The following SLC13A2 variants were observed in gnomAD, a reference collection of about 807,000 sequenced individuals.
SLC13A2 encodes the protein Na(+)-coupled citrate transporter.
SLC13A2 carries 40 observed loss-of-function variants against 58.5 expected under a neutral mutation model. The observed-to-expected ratio is 0.68, with a 90% confidence interval of 0.53 to 0.89. SLC13A2 has a LOEUF of 0.89. Among genes scored for constraint, SLC13A2 ranks in the 40% least tolerant of loss-of-function variants. The pLI is 0.00. For synonymous variants in SLC13A2, 341 were observed against 331.6 expected, an observed-to-expected ratio of 1.03 and a Z score of -0.31; for missense variants, 694 against 772.6, an observed-to-expected ratio of 0.90 and a Z score of 1.21.
Position 28,496,733 on chromosome 17 carries a change from G to A in SLC13A2, c.1608+146G>A. ...GAATGAAGGTGCAGTTGGGGAGGTT[G>A]GGACATGACCTCTCAGTGGTGGCAT... On this transcript the variant is annotated intron_variant, in intron 11 of 11. Transcript: ENST00000314669. This position sits in a 1 kb window ranked among gnomAD's most constrained non-coding sequence, Gnocchi z 4.2. The A allele has an allele frequency of 8.6e-7, 1 of 1,162,342 alleles. No individual in the cohort carries two copies. The highest frequency in any genetic ancestry group is 2.6e-5 in the East Asian group (1 of 38,836). 72.0% of individuals were successfully genotyped at this position (1,162,342 alleles called of 1,614,324 possible). A position where few individuals can be genotyped will look rare whatever the true frequency, so the allele number is the denominator to read the frequency against.
At chr17:28,483,406 T>C (rs1468250740) in intron 1 of SLC13A2, among the ~76,000 whole-genome samples, 1 of 152,066 alleles carries the variant, frequency 6.6e-6, no homozygotes, top group Non-Finnish European at 1.5e-5. Context: ...GGAGAGAGGA[T>C]TGCTTGAGCC....
At chr17:28,487,730 G>A (rs1382887675) in intron 1 of SLC13A2, among the ~76,000 whole-genome samples, 5 of 152,190 alleles carry the variant, frequency 3.3e-5, no homozygotes, top group Admixed American at 2.6e-4. Flanking sequence ...GGGGGAGGAG[G>A]GGGCTGGGTT....
intron 1 of SLC13A2, 66 bp downstream of exon 1, chr17:28,473,880 G>A: frequency 7.1e-7 from 1 of 1,402,960 alleles, no homozygotes. Context: ...CTGGGCCGGG[G>A]TTGGGCATCC....
Position 28,473,832 on chromosome 17 carries a change from T to C in SLC13A2, c.102+18T>C, listed in dbSNP as rs891328245. On this transcript the variant is annotated intron_variant, in intron 1 of 11. Transcript: ENST00000314669. ...CCAGTAAGGTAAGGACTTGGTGTTC[T>C]GAGCACAGATAACTCCAGGGGGCAG... is the stretch of plus-strand genomic sequence containing the variant. 9.3e-6 allele frequency: 15 copies of C among 1,607,612 alleles called. No individual in the cohort carries two copies. The highest frequency in any genetic ancestry group is 1.3e-5 in the African/African-American group (1 of 74,776).
rs782643331 is a variant in SLC13A2, at chr17:28,493,787, G to A, written c.1095G>A (p.Glu365=). Residue 365 remains glutamate (E), a splice_region_variant and synonymous_variant, in exon 7 of 12, where the codon GAG becomes GAA. Transcript: ENST00000314669. ...TGGCTTTTCCCAATGCCAAGGGGGA[G>A]AGGTGAGAGTTGCAGGGGTTGGGAG... ...GNLAFPNAKG[E]SMVSDGTVAI... is the part of the protein sequence containing the mutation. The A allele has an allele frequency of 6.2e-7, 1 of 1,614,146 alleles. No homozygotes were observed. Among genetic ancestry groups the A allele is most frequent in the East Asian group, 2.2e-5 (1 of 44,876 alleles).
intron 1 of SLC13A2, among the ~76,000 whole-genome samples, chr17:28,488,445 A>G (rs2068930723): frequency 6.6e-6 from 1 of 152,110 alleles, no homozygotes; most frequent in Admixed American, 6.5e-5. Flanking sequence ...CTGGCTAATG[A>G]TTCCCCAGCC....
At chr17:28,488,229 G>A (rs2068923432) in intron 1 of SLC13A2, among the ~76,000 whole-genome samples, 1 of 152,216 alleles carries the variant, frequency 6.6e-6, no homozygotes, top group Non-Finnish European at 1.5e-5. Context: ...CTAAGAGTGT[G>A]AGCTTAGCCT....
intron 1 of SLC13A2, among the ~76,000 whole-genome samples, chr17:28,481,083 G>A (rs868996390): frequency 1.3e-5 from 2 of 152,194 alleles, no homozygotes; most frequent in Non-Finnish European, 2.9e-5. Context: ...GGCCAGGAAT[G>A]GGAAAGTAAG....
At chr17:28,476,226 T>C in intron 1 of SLC13A2, among the ~76,000 whole-genome samples, 1 of 152,200 alleles carries the variant, frequency 6.6e-6, no homozygotes, top group East Asian at 1.9e-4. Flanking sequence ...CTCCCCGCCC[T>C]CGGATCCACT....
intron 1 of SLC13A2, among the ~76,000 whole-genome samples, chr17:28,487,188 C>A (rs782244919): frequency 1.3e-5 from 2 of 152,090 alleles, no homozygotes; most frequent in African/African-American, 2.4e-5. Flanking sequence ...AAGTGGCAGG[C>A]CCTGGGGAAG....
At chr17:28,492,400 A>C (rs1258234210) in intron 6 of SLC13A2, among the ~76,000 whole-genome samples, 1 of 152,230 alleles carries the variant, frequency 6.6e-6, no homozygotes. Context: ...CCAGAACACC[A>C]TGGAGGAGAT....
intron 1 of SLC13A2, 105 bp downstream of exon 1, chr17:28,473,919 C>CAGGG: frequency 4.4e-6 from 4 of 908,352 alleles, no homozygotes; most frequent in Non-Finnish European, 6.9e-6. Flanking sequence ...TCCTCACTGC[C>CAGGG]CCTGCCCTGG....
At position 28,489,317 on chromosome 17, in the gene SLC13A2, T is replaced by C. The variant is rs868918653; in HGVS notation, c.206T>C (p.Met69Thr). 6 of 1,613,230 alleles carry C rather than the reference T, an allele frequency of 3.7e-6. No homozygotes were observed. In the African/African-American group the frequency reaches 6.7e-5, roughly 18 times the overall value. Reference sequence around the variant, plus strand: ...CTCTTCCCCTTAATCCTGTTCCCTATGATGGGCATCGTGGATGCCTCTGAG... The same window carrying C: ...CTCTTCCCCTTAATCCTGTTCCCTACGATGGGCATCGTGGATGCCTCTGAG... ...TALFPLILFP[M>T]MGIVDASEVA... Residue 69 changes from methionine (M) to threonine (T), a missense_variant, in exon 2 of 12, where the codon ATG becomes ACG. Coordinates refer to ENST00000314669, the MANE Select transcript of SLC13A2 (RefSeq NM_003984.4).
At position 28,497,248 on chromosome 17, in the gene SLC13A2, C is replaced by T; in HGVS notation, c.1758C>T (p.Asn586=). 1 of 1,613,968 alleles carries T rather than the reference C, an allele frequency of 6.2e-7. No homozygotes were observed. Among genetic ancestry groups the T allele is most frequent in the Non-Finnish European group, 8.5e-7 (1 of 1,179,952 alleles). Residue 586 remains asparagine (N), a synonymous_variant, in exon 12 of 12, where the codon AAC becomes AAT. Coordinates refer to ENST00000314669, the MANE Select transcript of SLC13A2 (RefSeq NM_003984.4). ...TTAQCLPSLA[N]TTTPSP ...CCCAGTGCCTGCCAAGCCTGGCCAA[C>T]ACCACCACACCAAGCCCCTAGGCTG... is the stretch of plus-strand genomic sequence containing the variant.
At chr17:28,483,821 G>T (rs986310277) in intron 1 of SLC13A2, among the ~76,000 whole-genome samples, 1 of 152,212 alleles carries the variant, frequency 6.6e-6, no homozygotes, top group Non-Finnish European at 1.5e-5. Context: ...GCTGAGAGAG[G>T]TTAAGTAACT....
At chr17:28,473,978 G>A (rs1368579488) in intron 1 of SLC13A2, among the ~76,000 whole-genome samples, 164 bp downstream of exon 1, 1 of 152,176 alleles carries the variant, frequency 6.6e-6, no homozygotes, top group Admixed American at 6.5e-5. Context: ...GGGCTAGGAG[G>A]TCAAAGGGGC....
chr17:28,482,781 A>T (rs1291002135), intron 1 of SLC13A2, among the ~76,000 whole-genome samples: 8 of 152,030 alleles, frequency 5.3e-5, no homozygotes, highest in African/African-American at 9.7e-5. Flanking sequence ...CCACTAACTG[A>T]ACTCCTACTC....
chr17:28,490,949 T>C, intron 4 of SLC13A2, 43 bp downstream of exon 4: 1 of 1,539,804 alleles, frequency 6.5e-7, no homozygotes, highest in African/African-American at 1.4e-5. Flanking sequence ...CCCTTGGTTC[T>C]TGGAGAGAGT....
chr17:28,494,545 G>A lies in SLC13A2; in HGVS notation c.1308+33G>A, dbSNP rs782519471. ...GCCCCCAGCCCCCTCCTCAGCCTGT[G>A]TGAGGGTGTCTCTGTGGCAGGGAGA... On this transcript the variant is annotated intron_variant, in intron 9 of 11. Coordinates refer to ENST00000314669, the MANE Select transcript of SLC13A2 (RefSeq NM_003984.4). This position sits in a 1 kb window ranked among gnomAD's most constrained non-coding sequence, Gnocchi z 4.0. 6.2e-7 allele frequency: 1 copy of A among 1,613,068 alleles called. No individual in the cohort carries two copies. Among genetic ancestry groups the A allele is most frequent in the Non-Finnish European group, 8.5e-7 (1 of 1,179,472 alleles).
Sources: gnomAD v4.1 joint callset for allele counts (sites outside exome capture counted in the v4.1 genomes callset) on GRCh38, gnomAD v4.1.1 for gene constraint, Gnocchi (gnomAD v3.1) non-coding constraint, MANE v1.5 for transcripts, NCBI Gene and HGNC (gene_info 2026-07-23, HGNC 2026-07-21) for gene names.